LAMC1: variants seen among roughly 807,000 people sequenced by gnomAD.
LAMC1 encodes the protein laminin subunit gamma 1.
Under a neutral mutation model 173.6 loss-of-function variants are expected in LAMC1, and 38 were observed. The ratio of observed to expected loss-of-function variants is 0.22; its 90% CI spans 0.17 to 0.29. LAMC1 has a LOEUF of 0.29. LAMC1 is among the 10% of genes least tolerant of loss of function. LAMC1 has a pLI of 1.00. For missense variants in LAMC1, 1,824 were observed against 2,051.8 expected (o/e 0.89, Z 2.14); for synonymous variants, 746 against 749.1 (o/e 1.00, Z 0.07).
At chr1:183,132,639 A>T in intron 21 of LAMC1, 102 bp downstream of exon 21, 1 of 832,516 alleles carries the variant, frequency 1.2e-6, no homozygotes, top group Non-Finnish European at 1.9e-6. Context: ...GCATACATTC[A>T]TGCAGTAAGA....
intron 1 of LAMC1, among the ~76,000 whole-genome samples, chr1:183,045,225 T>G (rs1415763881): frequency 6.6e-6 from 1 of 151,990 alleles, no homozygotes; most frequent in African/African-American, 2.4e-5. Context: ...AATAGATAAT[T>G]GTTTATGCAG....
Position 183,042,328 on chromosome 1 carries a change from G to GA in LAMC1, c.418+18198dup, listed in dbSNP as rs148155085. 4.4e-3 allele frequency among the ~76,000 whole-genome samples: 677 copies of GA among 152,208 alleles called. 8 individuals are homozygous for GA. Among genetic ancestry groups the GA allele is most frequent in the African/African-American group, 0.015 (642 of 41,538 alleles). On this transcript the variant is annotated intron_variant, in intron 1 of 27. Transcript: ENST00000258341. ...AGTGTGTGCCTAAATCTTAACACTTGAAAATCTTACCTCCCCAAAGTGCCA... is the reference window on the plus strand; with the variant it reads ...AGTGTGTGCCTAAATCTTAACACTTGAAAAATCTTACCTCCCCAAAGTGCCA...
chr1:183,075,730 G>A lies in LAMC1; in HGVS notation c.419-27598G>A, dbSNP rs574892832. Among the ~76,000 whole-genome samples the A allele has an allele frequency of 2.0e-5, 3 of 152,274 alleles. No homozygotes were observed. In the East Asian group the frequency reaches 5.8e-4, roughly 29 times the overall value. On this transcript the variant is annotated intron_variant, in intron 1 of 27. Transcript: ENST00000258341. ...TCCAGACTCCCCACTCCTTCTCTCA[G>A]AAACAGGGAATTTACACTTTCTAGA...
At chr1:183,024,246 C>T (rs111302764) in intron 1 of LAMC1, 112 bp downstream of exon 1, 17 of 1,058,484 alleles carry the variant, frequency 1.6e-5, no homozygotes, top group Non-Finnish European at 2.2e-5. Context: ...TGTTTGCTCT[C>T]TGTTCCCCGG....
In LAMC1 at chr1:183,103,379, C is replaced by G; in HGVS notation, c.470C>G (p.Pro157Arg). 1 of 1,614,150 alleles carries G rather than the reference C, an allele frequency of 6.2e-7. No individual in the cohort carries two copies. Reference protein sequence around the residue: ...YVRLKFHTSRPESFAIYKRTR... With the variant: ...YVRLKFHTSRRESFAIYKRTR... ...CGTCTCAAGTTCCACACCAGCCGCC[C>G]GGAGAGCTTTGCCATTTACAAGCGC... Residue 157 changes from proline to arginine, a missense_variant, in exon 2 of 28, where the codon CCG (proline) becomes CGG (arginine). By Grantham distance (103) the Pro-to-Arg change is moderately radical. Coordinates refer to ENST00000258341, the MANE Select transcript of LAMC1 (RefSeq NM_002293.4).
At chr1:183,087,751 G>A (rs1325598002) in intron 1 of LAMC1, among the ~76,000 whole-genome samples, 2 of 151,850 alleles carry the variant, frequency 1.3e-5, no homozygotes, top group East Asian at 1.9e-4. Flanking sequence ...GGGATGCCAT[G>A]TTGATTAATG....
intron 1 of LAMC1, among the ~76,000 whole-genome samples, chr1:183,098,167 G>A (rs749309875): frequency 1.3e-5 from 2 of 152,184 alleles, no homozygotes; most frequent in Admixed American, 6.5e-5. Context: ...TCATCTACCT[G>A]TTAACTGGAT....
At position 183,142,963 on chromosome 1, in the gene LAMC1, C is replaced by T. The variant is rs1199883413; in HGVS notation, c.*173C>T. The stretch of plus-strand genomic sequence containing the variant: ...GTTTAAAGAGAAGCAAATTAAACAT[C>T]CTGAATCGGGAACAAAGGGTTTTAT... On this transcript the variant is annotated 3_prime_UTR_variant, in exon 28 of 28. Coordinates refer to ENST00000258341, the MANE Select transcript of LAMC1 (RefSeq NM_002293.4). 5 of 643,368 alleles carry T rather than the reference C, an allele frequency of 7.8e-6. No individual in the cohort carries two copies. Among genetic ancestry groups the T allele is most frequent in the Non-Finnish European group, 1.0e-5 (4 of 385,780 alleles). 39.9% of individuals were successfully genotyped at this position (643,368 alleles called of 1,614,324 possible). A position where few individuals can be genotyped will look rare whatever the true frequency, so the allele number is the denominator to read the frequency against.
At chr1:183,105,198 C>A (rs1187501026) in intron 2 of LAMC1, among the ~76,000 whole-genome samples, 2 of 125,102 alleles carry the variant, frequency 1.6e-5, no homozygotes, top group Non-Finnish European at 3.2e-5. Flanking sequence ...GCACTCCAGC[C>A]TGGGCAACAG....
chr1:183,101,318 C>G (rs1299132841), intron 1 of LAMC1, among the ~76,000 whole-genome samples: 4 of 151,612 alleles, frequency 2.6e-5, no homozygotes, highest in African/African-American at 9.7e-5. Context: ...ATAACCTCGC[C>G]CTCATTCAAA....
At chr1:183,050,697 G>A (rs1162433716) in intron 1 of LAMC1, among the ~76,000 whole-genome samples, 1 of 149,766 alleles carries the variant, frequency 6.7e-6, no homozygotes, top group Non-Finnish European at 1.5e-5. Flanking sequence ...TTCGAGACCA[G>A]CCTGACCAAC....
chr1:183,033,178 C>T (rs1271337926), intron 1 of LAMC1, among the ~76,000 whole-genome samples: 1 of 152,140 alleles, frequency 6.6e-6, no homozygotes, highest in Non-Finnish European at 1.5e-5. Context: ...CTCCTCTGTA[C>T]CAGAAGTTGC....
chr1:183,056,776 A>G (rs886923979), intron 1 of LAMC1, among the ~76,000 whole-genome samples: 1 of 152,168 alleles, frequency 6.6e-6, no homozygotes, highest in African/African-American at 2.4e-5. Context: ...TTCTGTTTTT[A>G]AGCCTGTAAA....
At chr1:183,080,790 T>C (rs77769192) in intron 1 of LAMC1, among the ~76,000 whole-genome samples, 1 of 152,096 alleles carries the variant, frequency 6.6e-6, no homozygotes, top group East Asian at 1.9e-4. Flanking sequence ...TTTTTTTTTT[T>C]CAACACAGTC....
At chr1:183,125,047 C>A in intron 14 of LAMC1, 171 bp downstream of exon 14, 1 of 803,386 alleles carries the variant, frequency 1.2e-6, no homozygotes, top group Non-Finnish European at 1.9e-6. Flanking sequence ...TAAAGAAGGA[C>A]AGTCATGGTG....
chr1:183,102,414 CTTG>C (rs1655859017), intron 1 of LAMC1, among the ~76,000 whole-genome samples: 1 of 152,214 alleles, frequency 6.6e-6, no homozygotes, highest in Non-Finnish European at 1.5e-5. Context: ...CCAACAAATT[CTTG>C]TTGACCAAAC....
chr1:183,066,723 C>A (rs181095785), intron 1 of LAMC1, among the ~76,000 whole-genome samples: 1 of 152,130 alleles, frequency 6.6e-6, no homozygotes, highest in Admixed American at 6.5e-5. Flanking sequence ...CCAAACACTG[C>A]ATGTTCTCAC....
Position 183,128,605 on chromosome 1 carries a change from T to C in LAMC1, c.3135T>C (p.His1045=). The C allele has an allele frequency of 6.2e-7, 1 of 1,608,378 alleles. No individual in the cohort carries two copies. The highest frequency in any genetic ancestry group is 1.1e-5 in the South Asian group (1 of 89,866). The change falls in exon 18 of 28, where the codon CAT becomes CAC. Residue 1045 remains histidine (H), a synonymous_variant. Transcript: ENST00000258341. The stretch of plus-strand genomic sequence containing the variant: ...TTCTTTATGTTTAGGTTGCTGATCA[T>C]AGAGTGAAGCTCCAGGAATTAGAGA... ...YRLVKDKVAD[H]RVKLQELESL...
chr1:183,107,901 G>A (rs1304982359), intron 2 of LAMC1, among the ~76,000 whole-genome samples: 1 of 152,108 alleles, frequency 6.6e-6, no homozygotes, highest in African/African-American at 2.4e-5. Flanking sequence ...TGCCCCATGA[G>A]CTCTAAGCTG....
Sources: allele counts gnomAD v4.1 joint callset (sites outside exome capture counted in the v4.1 genomes callset), GRCh38; gene constraint gnomAD v4.1.1; transcripts MANE v1.5; gene names NCBI Gene and HGNC (gene_info 2026-07-23, HGNC 2026-07-21).